DOK6: variants seen among roughly 807,000 people sequenced by gnomAD.
The protein encoded by DOK6 is downstream of tyrosine kinase 6.
Under a neutral mutation model 44.0 loss-of-function variants are expected in DOK6, and 22 were observed. The observed-to-expected ratio is 0.50, with a 90% CI of 0.36 to 0.71. The LOEUF is 0.71. Among genes scored for constraint, DOK6 ranks in the 30% least tolerant of loss-of-function variants. The pLI is 0.00. For synonymous variants in DOK6, 166 were observed against 145.5 expected (o/e 1.14, Z -1.01); for missense variants, 340 against 416.4 (o/e 0.82, Z 1.60).
At chr18:69,418,173 G>A (rs1013858079) in intron 1 of DOK6, among the ~76,000 whole-genome samples, 4 of 152,058 alleles carry the variant, frequency 2.6e-5, no homozygotes, top group Non-Finnish European at 5.9e-5. Flanking sequence ...TTCTTCAGTA[G>A]TTTCACAATC....
At chr18:69,615,959 G>A (rs1210974034) in intron 3 of DOK6, among the ~76,000 whole-genome samples, 1 of 152,138 alleles carries the variant, frequency 6.6e-6, no homozygotes, top group Admixed American at 6.5e-5. Flanking sequence ...TTGTATTTGG[G>A]ACATTGGAAA....
At chr18:69,512,432 C>G (rs907612561) in intron 1 of DOK6, among the ~76,000 whole-genome samples, 8 of 149,744 alleles carry the variant, frequency 5.3e-5, no homozygotes, top group Non-Finnish European at 1.2e-4. Context: ...CAGCCTCCCC[C>G]TTCCGGGTTC....
At chr18:69,433,332 T>C (rs1978858963) in intron 1 of DOK6, among the ~76,000 whole-genome samples, 1 of 152,294 alleles carries the variant, frequency 6.6e-6, no homozygotes, top group Middle Eastern at 3.4e-3. Context: ...TGTTAAAATA[T>C]CTCATTGTTA....
chr18:69,516,592 A>C (rs1471812427), intron 1 of DOK6, among the ~76,000 whole-genome samples: 20 of 152,204 alleles, frequency 1.3e-4, no homozygotes, highest in Non-Finnish European at 1.5e-5. Context: ...TTGACTTTTT[A>C]TTATGGAACA....
intron 1 of DOK6, among the ~76,000 whole-genome samples, chr18:69,463,549 A>C (rs934883935): frequency 2.0e-5 from 3 of 152,164 alleles, no homozygotes; most frequent in African/African-American, 7.2e-5. Context: ...CTGAAACACT[A>C]AGCTAACTCA....
chr18:69,517,729 G>GT (rs5825948), intron 1 of DOK6, among the ~76,000 whole-genome samples: 86,445 of 146,652 alleles, frequency 0.59, 27,003 homozygotes, highest in South Asian at 0.84. Flanking sequence ...ATACAGCTTG[G>GT]TTTTTTTTTT....
intron 1 of DOK6, among the ~76,000 whole-genome samples, chr18:69,435,025 G>GGGAGGGAAGGAAGGAAGGACGGAA (rs1978926067): frequency 6.9e-5 from 5 of 72,334 alleles, no homozygotes; most frequent in African/African-American, 2.6e-4. Context: ...TAGGGAGGGA[G>GGGAGGGAAGGAAGGAAGGACGGAA]GGAAGGAAGG....
intron 5 of DOK6, among the ~76,000 whole-genome samples, chr18:69,702,274 A>T (rs1468983750): frequency 6.6e-6 from 1 of 151,412 alleles, no homozygotes; most frequent in Non-Finnish European, 1.5e-5. Flanking sequence ...CAAGTTTTTT[A>T]TGCTTGTTGG....
chr18:69,489,777 T>C (rs886224467), intron 1 of DOK6, among the ~76,000 whole-genome samples: 1 of 152,198 alleles, frequency 6.6e-6, no homozygotes, highest in African/African-American at 2.4e-5. Flanking sequence ...TTGGTATGTC[T>C]TAGGTTGATA....
At chr18:69,718,841 A>G (rs1022964631) in intron 5 of DOK6, among the ~76,000 whole-genome samples, 3 of 152,144 alleles carry the variant, frequency 2.0e-5, no homozygotes, top group African/African-American at 7.2e-5. Context: ...ATACTGGAAA[A>G]GAGAATCAAG....
chr18:69,755,196 G>T (rs1407728880), intron 6 of DOK6, among the ~76,000 whole-genome samples: 2 of 152,134 alleles, frequency 1.3e-5, no homozygotes, highest in Non-Finnish European at 2.9e-5. Flanking sequence ...TGATTCAGAA[G>T]CAAATCATGT....
chr18:69,444,183 G>C (rs951837130), intron 1 of DOK6, among the ~76,000 whole-genome samples: 1 of 152,146 alleles, frequency 6.6e-6, no homozygotes, highest in African/African-American at 2.4e-5. Flanking sequence ...GGAGGATCAA[G>C]TACAGTAGGC....
intron 1 of DOK6, among the ~76,000 whole-genome samples, chr18:69,553,462 T>C (rs1982614286): frequency 6.6e-6 from 1 of 152,182 alleles, no homozygotes; most frequent in Admixed American, 6.5e-5. Context: ...GCCAGAGAGA[T>C]GGGCTGAAAA....
intron 5 of DOK6, among the ~76,000 whole-genome samples, chr18:69,722,787 T>C (rs897683252): frequency 6.6e-6 from 1 of 152,216 alleles, no homozygotes; most frequent in African/African-American, 2.4e-5. Context: ...TATTAACAAA[T>C]AATCAGCACC....
intron 7 of DOK6, among the ~76,000 whole-genome samples, chr18:69,820,313 G>T (rs1222723820): frequency 1.3e-5 from 2 of 152,122 alleles, no homozygotes; most frequent in Non-Finnish European, 2.9e-5. Flanking sequence ...CTGCTACATA[G>T]ATTTTTATAC....
At chr18:69,570,215 T>TA (rs78782448) in intron 2 of DOK6, among the ~76,000 whole-genome samples, 1 of 151,948 alleles carries the variant, frequency 6.6e-6, no homozygotes, top group Non-Finnish European at 1.5e-5. Flanking sequence ...ATATATTTTT[T>TA]AAAAAAGCAA....
At chr18:69,812,503 T>C (rs899853594) in intron 7 of DOK6, among the ~76,000 whole-genome samples, 1 of 152,034 alleles carries the variant, frequency 6.6e-6, no homozygotes, top group Non-Finnish European at 1.5e-5. Flanking sequence ...CTCCCAAGGA[T>C]CTGAAGGCAA....
chr18:69,547,016 A>C (rs1982424422), intron 1 of DOK6, among the ~76,000 whole-genome samples: 1 of 151,588 alleles, frequency 6.6e-6, no homozygotes, highest in Admixed American at 6.6e-5. Flanking sequence ...GTGGAAGGTG[A>C]AGTGGGAGCA....
At chr18:69,437,234 G>T (rs1377913485) in intron 1 of DOK6, among the ~76,000 whole-genome samples, 1 of 152,170 alleles carries the variant, frequency 6.6e-6, no homozygotes, top group African/African-American at 2.4e-5. Flanking sequence ...CTTTGCCCAT[G>T]CCTATGTCCT....
Sources: allele counts gnomAD v4.1 joint callset (sites outside exome capture counted in the v4.1 genomes callset), GRCh38; gene constraint gnomAD v4.1.1; transcripts MANE v1.5; gene names NCBI Gene and HGNC (gene_info 2026-07-23, HGNC 2026-07-21).